Variants in TENM4 observed in about 807,000 individuals in gnomAD.
TENM4 encodes teneurin transmembrane protein 4, also known as teneurin-4.
A neutral mutation model predicts 243.3 loss-of-function variants in TENM4; 82 were observed. That is an observed-to-expected ratio of 0.34 (90% CI 0.28 to 0.40). The LOEUF is 0.40. Among genes scored for constraint, TENM4 ranks in the 10% least tolerant of loss-of-function variants. The pLI is 1.00. For missense variants in TENM4, 3,138 were observed against 3,673.3 expected, an observed-to-expected ratio of 0.85 and a Z score of 3.77; for synonymous variants, 1,412 against 1,456.3, an observed-to-expected ratio of 0.97 and a Z score of 0.69.
chr11:79,335,894 G>C (rs34347413), intron 1 of TENM4, among the ~76,000 whole-genome samples: 10,212 of 152,220 alleles, frequency 0.067, 399 homozygotes, highest in African/African-American at 0.069. Flanking sequence ...ACTAGTATGG[G>C]ATGAGCTCTT....
At chr11:78,973,747 G>A (rs113815073) in intron 6 of TENM4, among the ~76,000 whole-genome samples, 4,100 of 151,074 alleles carry the variant, frequency 0.027, 162 homozygotes, top group African/African-American at 0.085. Context: ...AAAAGTAATT[G>A]TGGTTTTTGC....
intron 6 of TENM4, among the ~76,000 whole-genome samples, chr11:79,026,169 G>A (rs930075561): frequency 1.3e-5 from 2 of 152,166 alleles, no homozygotes; most frequent in Admixed American, 6.5e-5. Flanking sequence ...TGGTACAGTC[G>A]ATTTTGTTAT....
At position 78,668,921 on chromosome 11, in the gene TENM4, G is replaced by A. The variant is rs866053950; in HGVS notation, c.7408+16C>T. 1 of 1,602,268 alleles carries A rather than the reference G, an allele frequency of 6.2e-7. No individual in the cohort carries two copies. The highest frequency in any genetic ancestry group is 1.1e-5 in the South Asian group (1 of 90,172). ...ACTTTATGGGGTCCTGCCCCTGAGT[G>A]AGCCGTGGTCCTTACCTGTCATGAA... On this transcript the variant is annotated intron_variant, in intron 32 of 33. Coordinates refer to ENST00000278550, the MANE Select transcript of TENM4 (RefSeq NM_001098816.3).
intron 18 of TENM4, among the ~76,000 whole-genome samples, chr11:78,769,301 C>G (rs1478748923): frequency 6.6e-6 from 1 of 152,198 alleles, no homozygotes; most frequent in Admixed American, 6.5e-5. Context: ...GCTTAGTGCC[C>G]TTCCCTGCTT....
intron 6 of TENM4, among the ~76,000 whole-genome samples, chr11:78,958,460 A>G (rs1397314795): frequency 3.3e-5 from 5 of 152,224 alleles, no homozygotes; most frequent in East Asian, 1.9e-4. Context: ...TTCTTTATAT[A>G]TATCAGTGAT....
chr11:79,372,099 T>C (rs1199508642), intron 1 of TENM4, among the ~76,000 whole-genome samples: 1 of 152,198 alleles, frequency 6.6e-6, no homozygotes, highest in Non-Finnish European at 1.5e-5. Flanking sequence ...CATGAGCTTT[T>C]AGAAGGGTCA....
chr11:79,004,585 C>T (rs1858424864), intron 6 of TENM4, among the ~76,000 whole-genome samples: 1 of 152,046 alleles, frequency 6.6e-6, no homozygotes, highest in Non-Finnish European at 1.5e-5. Context: ...TACAACATAT[C>T]AGGATCTCTA....
Position 79,069,995 on chromosome 11 carries a change from T to C in TENM4, c.-51A>G, listed in dbSNP as rs1591259514. Reference sequence around the variant, plus strand: ...TCCACAAACAGGGTCCTCGCCGCACTCAGGGCCGAGTGGTCTAGAGCCAGG... The same window carrying C: ...TCCACAAACAGGGTCCTCGCCGCACCCAGGGCCGAGTGGTCTAGAGCCAGG... On this transcript the variant is annotated 5_prime_UTR_variant, in exon 5 of 34. Transcript: ENST00000278550. 1 of 1,529,258 alleles carries C rather than the reference T, an allele frequency of 6.5e-7. No homozygotes were observed. The highest frequency in any genetic ancestry group is 8.8e-7 in the Non-Finnish European group (1 of 1,140,650). 94.7% of individuals were successfully genotyped at this position (1,529,258 alleles called of 1,614,324 possible).
At position 79,156,517 on chromosome 11, in the gene TENM4, C is replaced by G. The variant is rs1252467862; in HGVS notation, c.-162-7711G>C. ...ACTTTCTACATGCTGTTTCCTTAGT[C>G]TCAGTCACCCTCATCTTTCCCTGAG... On this transcript the variant is annotated intron_variant, in intron 3 of 33. Coordinates refer to ENST00000278550, the MANE Select transcript of TENM4 (RefSeq NM_001098816.3). Among the ~76,000 whole-genome samples, 10 of 152,294 alleles carry G rather than the reference C, an allele frequency of 6.6e-5. No homozygotes were observed. In the East Asian group the frequency reaches 1.7e-3, roughly 27 times the overall value.
intron 2 of TENM4, among the ~76,000 whole-genome samples, chr11:79,236,925 C>T (rs1013910371): frequency 3.3e-5 from 5 of 152,044 alleles, no homozygotes; most frequent in Non-Finnish European, 5.9e-5. Flanking sequence ...GTCTGGTTCC[C>T]GGAATGTTGA....
intron 3 of TENM4, among the ~76,000 whole-genome samples, chr11:79,211,840 C>T (rs1219907453): frequency 6.6e-6 from 1 of 152,088 alleles, no homozygotes; most frequent in Admixed American, 6.5e-5. Context: ...AAACAGAATG[C>T]TGAAATGAGA....
intron 3 of TENM4, among the ~76,000 whole-genome samples, chr11:79,175,290 C>T (rs17137833): frequency 0.02 from 3,062 of 152,158 alleles, 112 homozygotes; most frequent in African/African-American, 0.067. Context: ...ATTTTTTCCA[C>T]GGGTGATAGT....
rs758563210 is a variant in TENM4, at chr11:78,658,219, G to A, written c.8149C>T (p.Leu2717=). ...QQRLREGEEG[L]RAWTEGEKQQ... is the part of the protein sequence containing the mutation. ...TTCTCCCCCTCTGTCCAGGCCCGCAGGCCTTCCTCCCCTTCCCGCAGTCTC... is the reference window on the plus strand; with the variant it reads ...TTCTCCCCCTCTGTCCAGGCCCGCAAGCCTTCCTCCCCTTCCCGCAGTCTC... Residue 2717 remains leucine, a synonymous_variant, in exon 34 of 34, where the codon CTG becomes TTG. Coordinates refer to ENST00000278550, the MANE Select transcript of TENM4 (RefSeq NM_001098816.3). The A allele has an allele frequency of 1.9e-6, 3 of 1,614,032 alleles. No individual in the cohort carries two copies. Among genetic ancestry groups the A allele is most frequent in the East Asian group, 4.5e-5 (2 of 44,884 alleles).
chr11:79,310,796 A>G (rs1335608081), intron 1 of TENM4, among the ~76,000 whole-genome samples: 6 of 152,104 alleles, frequency 3.9e-5, no homozygotes, highest in Admixed American at 3.9e-4. Flanking sequence ...GGGGCTTGGG[A>G]AGAGGGGATG....
intron 12 of TENM4, among the ~76,000 whole-genome samples, chr11:78,852,096 A>T (rs1858553753): frequency 6.6e-6 from 1 of 152,194 alleles, no homozygotes; most frequent in Non-Finnish European, 1.5e-5. Flanking sequence ...GGGTGCCAGG[A>T]GGCAGACAAG....
intron 6 of TENM4, chr11:79,014,690 G>C (rs896815695): frequency 6.6e-6 from 1 of 152,216 alleles, no homozygotes; most frequent in Non-Finnish European, 1.5e-5. Context: ...ATTCTTTTCA[G>C]GGAGAACTGC....
chr11:78,786,041 C>A (rs1234102434), intron 16 of TENM4, among the ~76,000 whole-genome samples: 2 of 152,120 alleles, frequency 1.3e-5, no homozygotes, highest in Admixed American at 6.5e-5. Context: ...CATATATACA[C>A]AAACCGGTTG....
chr11:78,909,927 G>A (rs1459317334), intron 6 of TENM4, among the ~76,000 whole-genome samples: 1 of 152,140 alleles, frequency 6.6e-6, no homozygotes. Flanking sequence ...TAGTATGTGA[G>A]GAAGATTTCT....
In TENM4 at chr11:78,657,537, G is replaced by A. The variant is rs1857924945; in HGVS notation, c.*521C>T. 1 of 264,914 alleles carries A rather than the reference G, an allele frequency of 3.8e-6. No individual in the cohort carries two copies. 16.4% of individuals were successfully genotyped at this position (264,914 alleles called of 1,614,324 possible). A position where few individuals can be genotyped will look rare whatever the true frequency, so the allele number is the denominator to read the frequency against. On this transcript the variant is annotated 3_prime_UTR_variant, in exon 34 of 34. Transcript: ENST00000278550. ...AGAAGAAATCCACCACTCTTCTGCA[G>A]GAGCCCTGCCAAGGAGCCTCAGGTC...
Sources: allele counts gnomAD v4.1 joint callset (sites outside exome capture counted in the v4.1 genomes callset), GRCh38; gene constraint gnomAD v4.1.1; transcripts MANE v1.5; gene names NCBI Gene and HGNC (gene_info 2026-07-23, HGNC 2026-07-21).